The following ACOXL variants were observed in gnomAD, a reference collection of about 807,000 sequenced individuals.
The protein encoded by ACOXL is acyl-CoA oxidase like, also known as acyl-coenzyme A oxidase-like protein.
ACOXL carries 70 observed loss-of-function variants against 71.9 expected under a neutral mutation model. The observed-to-expected ratio is 0.97, with a 90% CI of 0.80 to 1.19. The LOEUF is 1.19. Ranked by LOEUF, ACOXL falls within the 50% of genes most tolerant of loss-of-function variation. The probability of loss-of-function intolerance (pLI) is 0.00; values close to 1 mark genes in which losing one functional copy is unlikely to be tolerated. For missense variants in ACOXL, 703 were observed against 736.3 expected, an observed-to-expected ratio of 0.95 and a Z score of 0.52; for synonymous variants, 253 against 281.6, an observed-to-expected ratio of 0.90 and a Z score of 1.02.
Position 110,933,638 on chromosome 2 carries a change from G to A in ACOXL, c.1055G>A (p.Gly352Asp), listed in dbSNP as rs555427126. ...CLQDCRECTG[G>D]MVVGRELLAQ... ...CAGGACTGCCGCGAGTGCACTGGAG[G>A]CATGGTGAGCCCCAAGGCCTGCAGC... The change falls in exon 12 of 18, where the codon GGC (glycine) becomes GAC (aspartate). Residue 352 changes from glycine to aspartate, a missense_variant. Physicochemically the swap from Gly to Asp is moderately conservative, Grantham distance 94 (BLOSUM62 -1). Transcript: ENST00000439055. 34 of 1,610,070 alleles carry A rather than the reference G, an allele frequency of 2.1e-5. No homozygotes were observed. The South Asian group carries it at 3.6e-4, about 17-fold the overall frequency.
Position 111,117,614 on chromosome 2 carries a change from A to G in ACOXL, c.1543-2A>G. On this transcript the variant is annotated splice_acceptor_variant, in intron 17 of 17. Coordinates refer to ENST00000439055, the MANE Select transcript of ACOXL (RefSeq NM_001142807.4). LOFTEE classifies it high-confidence loss of function. ...CCTGTCCCATTGTGTTGTGTTTTGC[A>G]GTTGCTGGATTTGTGCGACTCGGTG... 1 of 1,551,758 alleles carries G rather than the reference A, an allele frequency of 6.4e-7. No homozygotes were observed. The highest frequency in any genetic ancestry group is 8.7e-7 in the Non-Finnish European group (1 of 1,147,014).
intron 1 of ACOXL, among the ~76,000 whole-genome samples, chr2:110,745,422 G>T (rs575590519): frequency 6.6e-6 from 1 of 152,210 alleles, no homozygotes; most frequent in Non-Finnish European, 1.5e-5. Context: ...ACCAGAAGGT[G>T]GGGGGTCAAC....
At chr2:110,863,070 G>A (rs953558901) in intron 10 of ACOXL, among the ~76,000 whole-genome samples, 2 of 152,190 alleles carry the variant, frequency 1.3e-5, no homozygotes, top group African/African-American at 4.8e-5. Flanking sequence ...AAAATGAAAT[G>A]TAAATACATA....
chr2:110,806,444 G>A (rs1263001593), intron 9 of ACOXL, among the ~76,000 whole-genome samples: 1 of 152,216 alleles, frequency 6.6e-6, no homozygotes, highest in Non-Finnish European at 1.5e-5. Context: ...GCCCCAGAAA[G>A]CCTTGTGGTG....
At chr2:110,944,633 A>AATC (rs1396367299) in intron 12 of ACOXL, among the ~76,000 whole-genome samples, 1 of 152,144 alleles carries the variant, frequency 6.6e-6, no homozygotes, top group African/African-American at 2.4e-5. Context: ...CGCTTAGGAT[A>AATC]ATGGCCTCCA....
At chr2:110,881,920 A>G (rs1246250387) in intron 10 of ACOXL, among the ~76,000 whole-genome samples, 1 of 151,896 alleles carries the variant, frequency 6.6e-6, no homozygotes, top group Non-Finnish European at 1.5e-5. Flanking sequence ...GCTGTTTCCA[A>G]TAATGCTGCT....
chr2:111,108,027 C>T (rs925687276), intron 17 of ACOXL, among the ~76,000 whole-genome samples: 2 of 152,198 alleles, frequency 1.3e-5, no homozygotes, highest in Admixed American at 6.5e-5. Flanking sequence ...GCTTGAGAAC[C>T]ATTCAATCTT....
At chr2:110,768,818 C>T (rs1344237233) in intron 2 of ACOXL, among the ~76,000 whole-genome samples, 2 of 151,760 alleles carry the variant, frequency 1.3e-5, no homozygotes, top group African/African-American at 4.8e-5. Flanking sequence ...TTTTCTGTTC[C>T]TATGTTAATT....
chr2:110,813,831 T>C (rs1413574857), intron 9 of ACOXL, among the ~76,000 whole-genome samples: 1 of 152,168 alleles, frequency 6.6e-6, no homozygotes, highest in Non-Finnish European at 1.5e-5. Flanking sequence ...GCACCTCACA[T>C]ATAATTGTTT....
chr2:110,829,315 C>T (rs922381966), intron 9 of ACOXL, among the ~76,000 whole-genome samples: 1 of 152,082 alleles, frequency 6.6e-6, no homozygotes, highest in Non-Finnish European at 1.5e-5. Flanking sequence ...GTGGTGAGTT[C>T]GTTGGGTCCA....
intron 11 of ACOXL, among the ~76,000 whole-genome samples, chr2:110,930,713 G>A (rs1326048252): frequency 2.0e-5 from 3 of 152,090 alleles, no homozygotes; most frequent in Non-Finnish European, 4.4e-5. Flanking sequence ...GGCAGTTTCC[G>A]CTATACTCTT....
At chr2:110,910,684 AC>A (rs1158092775) in intron 11 of ACOXL, among the ~76,000 whole-genome samples, 1 of 151,966 alleles carries the variant, frequency 6.6e-6, no homozygotes, top group African/African-American at 2.4e-5. Flanking sequence ...TTAAATTTAC[AC>A]TTATCTGGTG....
At chr2:110,892,367 G>C (rs1252352316) in intron 10 of ACOXL, among the ~76,000 whole-genome samples, 3 of 152,154 alleles carry the variant, frequency 2.0e-5, no homozygotes, top group Non-Finnish European at 4.4e-5. Context: ...TGGCTGAGGG[G>C]TAGCAAACCA....
intron 12 of ACOXL, among the ~76,000 whole-genome samples, chr2:110,953,489 G>A (rs1375301501): frequency 6.6e-6 from 1 of 152,022 alleles, no homozygotes; most frequent in Non-Finnish European, 1.5e-5. Flanking sequence ...TGGATGCAGG[G>A]TTTCAAAGGA....
intron 1 of ACOXL, among the ~76,000 whole-genome samples, chr2:110,753,909 T>C (rs560194139): frequency 1.3e-5 from 2 of 152,242 alleles, no homozygotes; most frequent in Admixed American, 1.3e-4. Flanking sequence ...AATTTAGCCA[T>C]TTGAGTAGGT....
intron 12 of ACOXL, among the ~76,000 whole-genome samples, chr2:110,977,352 C>G (rs901603037): frequency 6.6e-6 from 1 of 151,800 alleles, no homozygotes; most frequent in Admixed American, 6.6e-5. Context: ...CCACTGCACC[C>G]CAGCCTGGGT....
At chr2:111,050,428 G>A (rs533960175) in intron 16 of ACOXL, among the ~76,000 whole-genome samples, 3 of 152,274 alleles carry the variant, frequency 2.0e-5, no homozygotes, top group South Asian at 2.1e-4. Context: ...TGTTTGCCAC[G>A]CTTAATTCTC....
chr2:110,759,189 G>T (rs535459237), intron 1 of ACOXL, among the ~76,000 whole-genome samples: 2 of 152,216 alleles, frequency 1.3e-5, no homozygotes, highest in East Asian at 1.9e-4. Context: ...TATCTGTCAG[G>T]TCTACTTGAT....
intron 12 of ACOXL, among the ~76,000 whole-genome samples, chr2:110,957,182 C>T (rs776810993): frequency 2.0e-5 from 3 of 151,098 alleles, no homozygotes; most frequent in African/African-American, 4.9e-5. Flanking sequence ...TACCACCCAT[C>T]GACCCCACCA....
Sources: gnomAD v4.1 joint callset for allele counts (sites outside exome capture counted in the v4.1 genomes callset) on GRCh38, gnomAD v4.1.1 for gene constraint, MANE v1.5 for transcripts, NCBI Gene and HGNC (gene_info 2026-07-23, HGNC 2026-07-21) for gene names.